Variants in CDH23 observed in about 807,000 individuals in gnomAD.
The protein encoded by CDH23 is cadherin-23.
A neutral mutation model predicts 317.1 loss-of-function variants in CDH23; 189 were observed. The observed-to-expected ratio is 0.60, with a 90% CI of 0.53 to 0.67. The LOEUF (loss-of-function observed/expected upper bound fraction) is 0.67, where lower values mean the gene tolerates loss of function less well. CDH23 is among the 30% of genes least tolerant of loss of function. The pLI is 0.00. For synonymous variants in CDH23, 1,839 were observed against 1,876.8 expected (o/e 0.98, Z 0.52); for missense variants, 4,401 against 4,592.4 (o/e 0.96, Z 1.20).
intron 3 of CDH23, among the ~76,000 whole-genome samples, chr10:71,452,345 C>G (rs544475339): frequency 2.8e-4 from 43 of 152,262 alleles, no homozygotes; most frequent in African/African-American, 9.9e-4. Flanking sequence ...GGTAACCGCC[C>G]GCAGCCAGAA....
chr10:71,707,566 G>C, intron 26 of CDH23: 1 of 1,005,822 alleles, frequency 9.9e-7, no homozygotes, highest in Non-Finnish European at 1.2e-6. Context: ...GCCATGTCCT[G>C]GCTCACAGGG....
intron 38 of CDH23, chr10:71,761,521 C>G (rs1218666920): frequency 6.3e-6 from 9 of 1,429,044 alleles, no homozygotes; most frequent in Non-Finnish European, 5.6e-6. Context: ...CTGCCCAGCA[C>G]AGTGTCATGA....
intron 38 of CDH23, among the ~76,000 whole-genome samples, chr10:71,762,445 A>T (rs1385029530): frequency 1.3e-5 from 2 of 152,230 alleles, no homozygotes; most frequent in Non-Finnish European, 2.9e-5. Context: ...TACTCCTAGG[A>T]CTGAACATGC....
chr10:71,730,551 C>A lies in CDH23; in HGVS notation c.3662C>A (p.Thr1221Asn). 1 of 1,613,974 alleles carries A rather than the reference C, an allele frequency of 6.2e-7. No homozygotes were observed. The highest frequency in any genetic ancestry group is 8.5e-7 in the Non-Finnish European group (1 of 1,179,888). Reference sequence around the variant, plus strand: ...TACAGCCGTCTGGGGCTTCGAGAGACCGCAGGCATTGGAACGTCAGTCATC... The same window carrying A: ...TACAGCCGTCTGGGGCTTCGAGAGAACGCAGGCATTGGAACGTCAGTCATC... ...QQYSRLGLRE[T>N]AGIGTSVIVV... The change falls in exon 31 of 70, where the codon ACC (threonine) becomes AAC (asparagine). Residue 1221 changes from threonine to asparagine, a missense_variant. By Grantham distance (65) the Thr-to-Asn change is moderately conservative. Around this residue, in one of 3 missense-constraint regions of CDH23, gnomAD observed 3,068 missense variants for 3,203.3 expected, o/e 0.96. Coordinates refer to ENST00000224721, the MANE Select transcript of CDH23 (RefSeq NM_022124.6).
At chr10:71,705,621 C>T (rs547362653) in intron 25 of CDH23, among the ~76,000 whole-genome samples, 66 of 152,338 alleles carry the variant, frequency 4.3e-4, no homozygotes, top group African/African-American at 1.5e-3. Context: ...TCCCAGACTC[C>T]CTAAGATCCT....
intron 3 of CDH23, among the ~76,000 whole-genome samples, chr10:71,488,166 G>A (rs1026671911): frequency 6.6e-6 from 1 of 152,248 alleles, no homozygotes; most frequent in Non-Finnish European, 1.5e-5. Context: ...TGTTTTGTGT[G>A]GCTGAATCTG....
At chr10:71,682,393 G>C (rs955381162) in intron 17 of CDH23, 52 bp from the exon 18 acceptor site, 20 of 1,596,830 alleles carry the variant, frequency 1.3e-5, no homozygotes, top group Admixed American at 1.7e-5. Flanking sequence ...CTGTCTGGAC[G>C]GGCATCTCAA....
chr10:71,814,825 G>C lies in CDH23; in HGVS notation c.9739-127G>C. The C allele has an allele frequency of 2.7e-6, 3 of 1,103,048 alleles. No individual in the cohort carries two copies. In the South Asian group the frequency reaches 5.0e-5, roughly 18 times the overall value. The allele number at this position is 1,103,048 out of a possible 1,614,324, so 68.3% of individuals were successfully genotyped here. ...CCCTTTGCAGGCAGTTTGAGAAACA[G>C]AGTCTGACAGGCCTGCTGCGGTAGG... On this transcript the variant is annotated intron_variant, in intron 69 of 69. Coordinates refer to ENST00000224721, the MANE Select transcript of CDH23 (RefSeq NM_022124.6).
At chr10:71,402,706 A>AGTGTGT (rs61127679) in intron 1 of CDH23, among the ~76,000 whole-genome samples, 21 of 148,934 alleles carry the variant, frequency 1.4e-4, no homozygotes, top group African/African-American at 4.7e-4. Flanking sequence ...ATTCTTCCTG[A>AGTGTGT]GTGTGTGTGT....
At chr10:71,484,937 G>T (rs1378547106) in intron 3 of CDH23, among the ~76,000 whole-genome samples, 1 of 151,782 alleles carries the variant, frequency 6.6e-6, no homozygotes, top group African/African-American at 2.4e-5. Context: ...ATTTAGGAGT[G>T]TATTGGCTGC....
chr10:71,441,736 G>A (rs7087816), intron 2 of CDH23, among the ~76,000 whole-genome samples: 5 of 149,294 alleles, frequency 3.3e-5, no homozygotes, highest in African/African-American at 5.0e-5. Context: ...AAAGAAAAAA[G>A]AAAAAAAAAA....
intron 6 of CDH23, among the ~76,000 whole-genome samples, chr10:71,513,759 A>G (rs575199810): frequency 1.3e-5 from 2 of 152,098 alleles, no homozygotes; most frequent in Non-Finnish European, 2.9e-5. Context: ...AGGGAGTTGA[A>G]CCCAGCCCCT....
intron 34 of CDH23, 51 bp from the exon 35 acceptor site, chr10:71,738,447 G>C (rs1404599061): frequency 1.2e-6 from 2 of 1,612,430 alleles, no homozygotes; most frequent in Non-Finnish European, 1.7e-6. Context: ...CAGGTGTTTG[G>C]GGCCAAGGAG....
intron 28 of CDH23, chr10:71,717,063 G>A (rs1007310012): frequency 2.6e-5 from 4 of 152,272 alleles, no homozygotes; most frequent in African/African-American, 9.7e-5. Flanking sequence ...CTGGCCCCGT[G>A]GGGATTCCTG....
At position 71,807,501 on chromosome 10, in the gene CDH23, T is replaced by C. The variant is rs374116990; in HGVS notation, c.8309-15T>C. 102 of 1,613,290 alleles carry C rather than the reference T, an allele frequency of 6.3e-5. No homozygotes were observed. Among genetic ancestry groups the C allele is most frequent in the Non-Finnish European group, 7.9e-5 (93 of 1,179,522 alleles). On this transcript the variant is annotated splice_polypyrimidine_tract_variant and intron_variant, in intron 58 of 69. Coordinates refer to ENST00000224721, the MANE Select transcript of CDH23 (RefSeq NM_022124.6). Reference sequence around the variant, plus strand: ...GGCCCTGCCCCCTCACCCTGTGCCATGATCCCACCCTCAGCCGGCAACGAA... The same window carrying C: ...GGCCCTGCCCCCTCACCCTGTGCCACGATCCCACCCTCAGCCGGCAACGAA...
chr10:71,709,255 A>G (rs1373264375), intron 27 of CDH23, 44 bp downstream of exon 27: 1 of 1,552,290 alleles, frequency 6.4e-7, no homozygotes, highest in Non-Finnish European at 8.9e-7. Flanking sequence ...ATCTGGGCAG[A>G]GTTCACACAG....
chr10:71,657,116 G>A (rs916149089), intron 14 of CDH23, among the ~76,000 whole-genome samples: 7 of 152,166 alleles, frequency 4.6e-5, no homozygotes, highest in South Asian at 4.1e-4. Context: ...AGGTGCATGC[G>A]TCTCCATCTC....
chr10:71,599,744 G>A (rs1219834631), intron 9 of CDH23, among the ~76,000 whole-genome samples: 2 of 152,222 alleles, frequency 1.3e-5, no homozygotes, highest in Non-Finnish European at 2.9e-5. Context: ...CCAGACTTGA[G>A]CCAGACTTCT....
At chr10:71,758,608 C>T (rs573962546) in intron 38 of CDH23, among the ~76,000 whole-genome samples, 3 of 152,372 alleles carry the variant, frequency 2.0e-5, no homozygotes, top group Non-Finnish European at 4.4e-5. Context: ...CTAAGCAGGC[C>T]TGCAGCCAGA....
Sources: allele counts gnomAD v4.1 joint callset (sites outside exome capture counted in the v4.1 genomes callset), GRCh38; gene constraint gnomAD v4.1.1; regional missense constraint gnomAD v4.1.1; transcripts MANE v1.5; gene names NCBI Gene and HGNC (gene_info 2026-07-23, HGNC 2026-07-21).